The following MAP1LC3B variants were observed in gnomAD, a reference collection of about 807,000 sequenced individuals.
MAP1LC3B encodes microtubule-associated protein 1 light chain 3 beta.
MAP1LC3B carries 12 observed loss-of-function variants against 16.7 expected under a neutral mutation model. The ratio of observed to expected loss-of-function variants is 0.72; its 90% CI spans 0.46 to 1.16. MAP1LC3B has a LOEUF of 1.16. Among genes scored for constraint, MAP1LC3B ranks in the 50% most tolerant of loss-of-function variants. The pLI is 0.00. For missense variants in MAP1LC3B, 155 were observed against 159.5 expected (o/e 0.97, Z 0.15); for synonymous variants, 63 against 56.5 (o/e 1.11, Z -0.51).
Position 87,392,365 on chromosome 16 carries a change from CGCCCCCGGGA to C in MAP1LC3B, c.-59_-50del, listed in dbSNP as rs1567497156. 2.9e-6 allele frequency: 4 copies of C among 1,367,424 alleles called. No homozygotes were observed. The highest frequency in any genetic ancestry group is 3.1e-5 in the African/African-American group (2 of 64,902). The allele number at this position is 1,367,424 out of a possible 1,614,324, so 84.7% of individuals were successfully genotyped here. A position where few individuals can be genotyped will look rare whatever the true frequency, so the allele number is the denominator to read the frequency against. On this transcript the variant is annotated 5_prime_UTR_variant, in exon 1 of 4. Transcript: ENST00000268607. ...TCGGATTCGCCGCCGCAGCAGCCGC[CGCCCCCGGGA>C]GCCGCCGGGACCCTCGCGTCGTCGC... is the stretch of plus-strand genomic sequence containing the variant.
At chr16:87,401,618 C>T (rs538921633) in intron 2 of MAP1LC3B, among the ~76,000 whole-genome samples, 11 of 152,278 alleles carry the variant, frequency 7.2e-5, no homozygotes, top group East Asian at 3.9e-4. Flanking sequence ...CTGCAACCTC[C>T]GCCTCCTAGG....
chr16:87,401,436 G>T (rs74038762), intron 2 of MAP1LC3B, among the ~76,000 whole-genome samples: 1 of 152,226 alleles, frequency 6.6e-6, no homozygotes, highest in East Asian at 1.9e-4. Flanking sequence ...TCACAGGAGA[G>T]CTATGAGGAA....
In MAP1LC3B at chr16:87,403,233, G is replaced by C. The variant is rs1250483883; in HGVS notation, c.*136G>C. ...GTAGTGTTCCCACCTAGGAGTGTTAGGAAGTTGTGTTTGTGTTTCAAGCAG... is the reference window on the plus strand; with the variant it reads ...GTAGTGTTCCCACCTAGGAGTGTTACGAAGTTGTGTTTGTGTTTCAAGCAG... On this transcript the variant is annotated 3_prime_UTR_variant, in exon 4 of 4. Coordinates refer to ENST00000268607, the MANE Select transcript of MAP1LC3B (RefSeq NM_022818.5). 46 of 1,067,910 alleles carry C rather than the reference G, an allele frequency of 4.3e-5. No homozygotes were observed. The highest frequency in any genetic ancestry group is 1.8e-4 in the Admixed American group (6 of 33,986). 66.2% of individuals were successfully genotyped at this position (1,067,910 alleles called of 1,614,324 possible).
rs1168581119 is a variant in MAP1LC3B, at chr16:87,402,956, C to A, written c.237C>A (p.Phe79Leu). The A allele has an allele frequency of 1.2e-6, 2 of 1,613,880 alleles. No individual in the cohort carries two copies. Among genetic ancestry groups the A allele is most frequent in the Non-Finnish European group, 1.7e-6 (2 of 1,179,890 alleles). Residue 79 changes from phenylalanine (F) to leucine (L), a missense_variant, in exon 4 of 4, where the codon TTC (phenylalanine) becomes TTA (leucine). Phe to Leu is a conservative substitution (Grantham distance 22). Transcript: ENST00000268607. ...RRLQLNANQA[F>L]FLLVNGHSMV... is the part of the protein sequence containing the mutation. ...TACAGCTCAATGCTAATCAGGCCTT[C>A]TTCCTGTTGGTGAACGGACACAGCA... is the stretch of plus-strand genomic sequence containing the variant.
chr16:87,403,115 C>T lies in MAP1LC3B; in HGVS notation c.*18C>T. On this transcript the variant is annotated 3_prime_UTR_variant, in exon 4 of 4. Coordinates refer to ENST00000268607, the MANE Select transcript of MAP1LC3B (RefSeq NM_022818.5). Reference sequence around the variant, plus strand: ...CAGTGTAAAACCAGAAAAAATGCAGCTCTTCTAGAATTGTTTAAACCCTTA... The same window carrying T: ...CAGTGTAAAACCAGAAAAAATGCAGTTCTTCTAGAATTGTTTAAACCCTTA... The T allele has an allele frequency of 6.3e-7, 1 of 1,578,348 alleles. No homozygotes were observed. Among genetic ancestry groups the T allele is most frequent in the Non-Finnish European group, 8.6e-7 (1 of 1,167,044 alleles).
At chr16:87,398,357 A>G (rs753941098) in intron 1 of MAP1LC3B, among the ~76,000 whole-genome samples, 1 of 152,226 alleles carries the variant, frequency 6.6e-6, no homozygotes, top group Admixed American at 6.5e-5. Flanking sequence ...GCACCATATC[A>G]TTAAAAAGCT....
intron 1 of MAP1LC3B, among the ~76,000 whole-genome samples, chr16:87,397,734 CATTG>C (rs1485326680): frequency 2.0e-5 from 3 of 152,032 alleles, no homozygotes; most frequent in Non-Finnish European, 4.4e-5. Flanking sequence ...AAGTTCGTGA[CATTG>C]ATTATTTATT....
chr16:87,402,482 G>C, intron 3 of MAP1LC3B: 1 of 595,168 alleles, frequency 1.7e-6, no homozygotes, highest in Non-Finnish European at 2.9e-6. Flanking sequence ...TATATTACTT[G>C]CTAGACTGCA....
At chr16:87,402,846 G>T in intron 3 of MAP1LC3B, 77 bp from the exon 4 acceptor site, 1 of 1,542,886 alleles carries the variant, frequency 6.5e-7, no homozygotes, top group Non-Finnish European at 8.9e-7. Context: ...ACCGATCAGA[G>T]TGGGTGATAT....
At chr16:87,397,356 C>T (rs180848826) in intron 1 of MAP1LC3B, among the ~76,000 whole-genome samples, 5 of 152,106 alleles carry the variant, frequency 3.3e-5, no homozygotes, top group Admixed American at 6.6e-5. Context: ...TGGTGGCTCA[C>T]GCCTGTAATC....
intron 1 of MAP1LC3B, among the ~76,000 whole-genome samples, chr16:87,393,992 A>G (rs1300536364): frequency 6.6e-6 from 1 of 152,218 alleles, no homozygotes; most frequent in Non-Finnish European, 1.5e-5. Context: ...ATTCTGGAAA[A>G]GTCTCTGCGA....
rs752123229 is a variant in MAP1LC3B, at chr16:87,392,400, C to T, written c.-28C>T. Reference sequence around the variant, plus strand: ...AGCCGCCGGGACCCTCGCGTCGTCGCCGCCGCCGCCGCCCAGATCCCTGCA... The same window carrying T: ...AGCCGCCGGGACCCTCGCGTCGTCGTCGCCGCCGCCGCCCAGATCCCTGCA... On this transcript the variant is annotated 5_prime_UTR_variant, in exon 1 of 4. Coordinates refer to ENST00000268607, the MANE Select transcript of MAP1LC3B (RefSeq NM_022818.5). 1.0e-5 allele frequency: 14 copies of T among 1,400,126 alleles called. No homozygotes were observed. Among genetic ancestry groups the T allele is most frequent in the South Asian group, 4.5e-5 (3 of 67,162 alleles). The allele number at this position is 1,400,126 out of a possible 1,614,324, so 86.7% of individuals were successfully genotyped here.
intron 1 of MAP1LC3B, among the ~76,000 whole-genome samples, chr16:87,395,627 T>G (rs2150709997): frequency 6.6e-6 from 1 of 152,306 alleles, no homozygotes; most frequent in South Asian, 2.1e-4. Context: ...AGCACTGGAT[T>G]TTCATTGCTG....
chr16:87,402,732 TA>T, intron 3 of MAP1LC3B, 190 bp from the exon 4 acceptor site: 1 of 702,054 alleles, frequency 1.4e-6, no homozygotes, highest in Non-Finnish European at 2.3e-6. Context: ...GCCTAATATG[TA>T]ATCTTTCAGT....
At chr16:87,395,447 A>C (rs1242447976) in intron 1 of MAP1LC3B, among the ~76,000 whole-genome samples, 1 of 152,248 alleles carries the variant, frequency 6.6e-6, no homozygotes, top group Non-Finnish European at 1.5e-5. Context: ...AGATGATTAC[A>C]GCATTAGGAA....
rs1237740267 is a variant in MAP1LC3B, at chr16:87,392,392, C to G, written c.-36C>G. The G allele has an allele frequency of 6.4e-6, 9 of 1,414,312 alleles. No individual in the cohort carries two copies. Among genetic ancestry groups the G allele is most frequent in the Non-Finnish European group, 8.2e-6 (9 of 1,092,692 alleles). 87.6% of individuals were successfully genotyped at this position (1,414,312 alleles called of 1,614,324 possible). On this transcript the variant is annotated 5_prime_UTR_variant, in exon 1 of 4. Transcript: ENST00000268607. ...CCCCCGGGAGCCGCCGGGACCCTCG[C>G]GTCGTCGCCGCCGCCGCCGCCCAGA...
In MAP1LC3B at chr16:87,402,410, G is replaced by C. The variant is rs1005891831; in HGVS notation, c.203+129G>C. On this transcript the variant is annotated intron_variant, in intron 3 of 3. Coordinates refer to ENST00000268607, the MANE Select transcript of MAP1LC3B (RefSeq NM_022818.5). ...ATATTTTTCAGCTGAATTCAGTTCT[G>C]ATTCAGTTATGATTAAAACAATTTC... The C allele has an allele frequency of 3.5e-6, 3 of 857,974 alleles. No homozygotes were observed. The African/African-American group carries it at 5.2e-5, about 15-fold the overall frequency. The allele number at this position is 857,974 out of a possible 1,614,324, so 53.1% of individuals were successfully genotyped here.
intron 2 of MAP1LC3B, among the ~76,000 whole-genome samples, chr16:87,401,394 G>C (rs1907988476): frequency 6.6e-6 from 1 of 152,170 alleles, no homozygotes; most frequent in Non-Finnish European, 1.5e-5. Context: ...TTTTGTAAGG[G>C]GTAGATGTCT....
intron 1 of MAP1LC3B, chr16:87,392,758 G>A (rs1433675430): frequency 6.3e-6 from 1 of 159,944 alleles, no homozygotes; most frequent in Non-Finnish European, 1.3e-5. Context: ...GGTGCGCTCG[G>A]GGCCCCGGGC....
Sources: gnomAD v4.1 joint callset for allele counts (sites outside exome capture counted in the v4.1 genomes callset) on GRCh38, gnomAD v4.1.1 for gene constraint, MANE v1.5 for transcripts, NCBI Gene and HGNC (gene_info 2026-07-23, HGNC 2026-07-21) for gene names.